The following NEGR1 variants were observed in gnomAD, a reference collection of about 807,000 sequenced individuals.
The protein encoded by NEGR1 is neuronal growth regulator 1.
Under a neutral mutation model 40.9 loss-of-function variants are expected in NEGR1, and 10 were observed. That is an observed-to-expected ratio of 0.24 (90% CI 0.15 to 0.42). NEGR1 has a LOEUF of 0.42. Among genes scored for constraint, NEGR1 ranks in the 10% least tolerant of loss-of-function variants. The probability of loss-of-function intolerance (pLI) is 1.00; values close to 1 mark genes in which losing one functional copy is unlikely to be tolerated. For missense variants in NEGR1, 352 were observed against 438.9 expected (o/e 0.80, Z 1.77); for synonymous variants, 185 against 166.8 (o/e 1.11, Z -0.84).
intron 1 of NEGR1, among the ~76,000 whole-genome samples, chr1:72,003,256 G>A (rs1646573385): frequency 6.6e-6 from 1 of 151,656 alleles, no homozygotes; most frequent in South Asian, 2.1e-4. Context: ...TCTAGAGGCC[G>A]TTCTGCTCTG....
chr1:71,898,937 TAATATA>T (rs1661054946), intron 2 of NEGR1, among the ~76,000 whole-genome samples: 4 of 127,850 alleles, frequency 3.1e-5, no homozygotes, highest in South Asian at 2.4e-4. Flanking sequence ...CAAATATATA[TAATATA>T]TTGCAAATAT....
intron 2 of NEGR1, among the ~76,000 whole-genome samples, chr1:71,842,863 G>T (rs1254610597): frequency 2.0e-5 from 3 of 152,068 alleles, no homozygotes; most frequent in Non-Finnish European, 4.4e-5. Context: ...TGCAACCAAA[G>T]AATCTGTTTT....
chr1:71,774,998 A>G (rs1441419349), intron 3 of NEGR1, among the ~76,000 whole-genome samples: 1 of 152,208 alleles, frequency 6.6e-6, no homozygotes, highest in Non-Finnish European at 1.5e-5. Context: ...TGCACAAGCT[A>G]CATAAACTCT....
chr1:71,989,877 GT>G (rs1160582412), intron 1 of NEGR1, among the ~76,000 whole-genome samples: 3 of 151,868 alleles, frequency 2.0e-5, no homozygotes, highest in Admixed American at 2.0e-4. Context: ...TGCAGTTAAT[GT>G]TTTTTTAATC....
At chr1:72,175,508 C>T (rs1027533670) in intron 1 of NEGR1, among the ~76,000 whole-genome samples, 3 of 151,938 alleles carry the variant, frequency 2.0e-5, no homozygotes, top group Non-Finnish European at 2.9e-5. Context: ...TTCGCCCTTC[C>T]TCTTTAAAAA....
chr1:71,929,760 T>C (rs1645837672), intron 2 of NEGR1, among the ~76,000 whole-genome samples: 2 of 152,100 alleles, frequency 1.3e-5, no homozygotes, highest in Admixed American at 1.3e-4. Context: ...TTTTGGTCTT[T>C]TGGGAAAAGC....
chr1:71,805,315 T>C (rs1443447695), intron 2 of NEGR1, among the ~76,000 whole-genome samples: 3 of 152,150 alleles, frequency 2.0e-5, no homozygotes, highest in Non-Finnish European at 2.9e-5. Flanking sequence ...GTGACCTACA[T>C]CCTATTTGTA....
At chr1:71,532,055 CA>C (rs1310250445) in intron 6 of NEGR1, among the ~76,000 whole-genome samples, 1 of 151,446 alleles carries the variant, frequency 6.6e-6, no homozygotes, top group East Asian at 2.0e-4. Flanking sequence ...GCAGCACCAA[CA>C]AATCCTTTAA....
At chr1:71,759,595 G>GTTTTTT (rs1220949498) in intron 3 of NEGR1, among the ~76,000 whole-genome samples, 5 of 50,656 alleles carry the variant, frequency 9.9e-5, no homozygotes, top group East Asian at 1.1e-3. Flanking sequence ...CTGCGTCCAG[G>GTTTTTT]CTTTTTTTTT....
At chr1:71,535,558 G>A (rs1234017845) in intron 6 of NEGR1, among the ~76,000 whole-genome samples, 1 of 151,562 alleles carries the variant, frequency 6.6e-6, no homozygotes, top group Non-Finnish European at 1.5e-5. Context: ...TTTTCCCCAC[G>A]TAGGCCAAGA....
intron 4 of NEGR1, among the ~76,000 whole-genome samples, chr1:71,626,061 T>C (rs1650763881): frequency 6.6e-6 from 1 of 151,838 alleles, no homozygotes; most frequent in Non-Finnish European, 1.5e-5. Context: ...CCTGATGATC[T>C]GAGGTGGAAC....
chr1:71,922,297 C>T (rs74689938), intron 2 of NEGR1, among the ~76,000 whole-genome samples: 3 of 152,176 alleles, frequency 2.0e-5, no homozygotes, highest in African/African-American at 7.2e-5. Flanking sequence ...TTGCCAGTAT[C>T]TCCCATTGAG....
intron 2 of NEGR1, among the ~76,000 whole-genome samples, chr1:71,830,176 G>C (rs1192573904): frequency 6.6e-6 from 1 of 151,932 alleles, no homozygotes; most frequent in East Asian, 1.9e-4. Context: ...CTGGGGCAGG[G>C]ATGGTAAAGT....
In NEGR1 at chr1:71,404,559, C is replaced by CCCTT. The variant is rs1392589325; in HGVS notation, c.*2883_*2886dup. On this transcript the variant is annotated 3_prime_UTR_variant, in exon 7 of 7. Coordinates refer to ENST00000357731, the MANE Select transcript of NEGR1 (RefSeq NM_173808.3). ...TTTCTTCCTACCTTCTCCCCTTCCT[C>CCCTT]CCTTCCTTCCTTCATTCCTTCCATC... 1.4e-5 allele frequency: 2 copies of CCCTT among 146,676 alleles called. No individual in the cohort carries two copies. The highest frequency in any genetic ancestry group is 3.0e-5 in the Non-Finnish European group (2 of 66,296). 9.1% of individuals were successfully genotyped at this position (146,676 alleles called of 1,614,324 possible).
chr1:71,784,952 A>C lies in NEGR1; in HGVS notation c.410-8655T>G, dbSNP rs190383478. The stretch of plus-strand genomic sequence containing the variant: ...TGTACAAACATTTTATTTTGAAGAC[A>C]AAAACACAACATGGTTACACAAGAG... On this transcript the variant is annotated intron_variant, in intron 2 of 6. Transcript: ENST00000357731. Among the ~76,000 whole-genome samples, 18 of 152,334 alleles carry C rather than the reference A, an allele frequency of 1.2e-4. No individual in the cohort carries two copies. In the East Asian group the frequency reaches 3.5e-3, roughly 29 times the overall value.
At chr1:71,831,780 A>G (rs1658848684) in intron 2 of NEGR1, among the ~76,000 whole-genome samples, 1 of 143,992 alleles carries the variant, frequency 6.9e-6, no homozygotes, top group Non-Finnish European at 1.5e-5. Context: ...GGAAAGACCA[A>G]GGATATTTTG....
Position 71,407,284 on chromosome 1 carries a change from G to A in NEGR1, c.*162C>T. 1 of 568,778 alleles carries A rather than the reference G, an allele frequency of 1.8e-6. No individual in the cohort carries two copies. The highest frequency in any genetic ancestry group is 3.0e-5 in the East Asian group (1 of 33,884). The allele number at this position is 568,778 out of a possible 1,614,324, so 35.2% of individuals were successfully genotyped here. On this transcript the variant is annotated 3_prime_UTR_variant, in exon 7 of 7. Coordinates refer to ENST00000357731, the MANE Select transcript of NEGR1 (RefSeq NM_173808.3). ...TAATGTAGCTAATCAAAAAAGAGTA[G>A]AATTAAAGTATTTACATAATGAGCA... is the stretch of plus-strand genomic sequence containing the variant.
At chr1:72,130,623 C>A (rs1190799018) in intron 1 of NEGR1, among the ~76,000 whole-genome samples, 1 of 152,126 alleles carries the variant, frequency 6.6e-6, no homozygotes, top group Non-Finnish European at 1.5e-5. Context: ...TAGGGTGACT[C>A]CAGTCACGTG....
intron 1 of NEGR1, among the ~76,000 whole-genome samples, chr1:72,257,499 A>G (rs547562930): frequency 6.6e-6 from 1 of 152,208 alleles, no homozygotes; most frequent in East Asian, 1.9e-4. Flanking sequence ...AAATATACAT[A>G]CGTAACATGT....
Sources: gnomAD v4.1 joint callset for allele counts (sites outside exome capture counted in the v4.1 genomes callset) on GRCh38, gnomAD v4.1.1 for gene constraint, MANE v1.5 for transcripts, NCBI Gene and HGNC (gene_info 2026-07-23, HGNC 2026-07-21) for gene names.